GNL3L: variants seen among roughly 807,000 people sequenced by gnomAD.
GNL3L encodes G protein nucleolar 3 like, also known as guanine nucleotide-binding protein-like 3-like protein.
Under a neutral mutation model 42.9 loss-of-function variants are expected in GNL3L, and 4 were observed. The ratio of observed to expected loss-of-function variants is 0.09; its 90% confidence interval spans 0.05 to 0.21. GNL3L has a LOEUF of 0.21. GNL3L is among the 10% of genes least tolerant of loss of function. GNL3L has a pLI of 1.00. For missense variants in GNL3L, 412 were observed against 481.7 expected, an observed-to-expected ratio of 0.86 and a Z score of 1.36; for synonymous variants, 159 against 176.3, an observed-to-expected ratio of 0.90 and a Z score of 0.78.
chrX:54,530,837 G>T (rs1397431487), intron 1 of GNL3L, among the ~76,000 whole-genome samples: 1 of 111,495 alleles, frequency 9.0e-6, no homozygotes, highest in Non-Finnish European at 1.9e-5. Context: ...AGGCTTTGAT[G>T]TATCTGCCCC....
chrX:54,631,583 A>G, the GNL3L span, among the ~76,000 whole-genome samples: 1 of 110,336 alleles, frequency 9.1e-6, no homozygotes, highest in Non-Finnish European at 1.9e-5. Flanking sequence ...AAGAATAGCT[A>G]CTCCTGCTCG....
intron 2 of GNL3L, among the ~76,000 whole-genome samples, chrX:54,538,708 A>G (rs1486987610): frequency 9.0e-6 from 1 of 111,714 alleles, no homozygotes; most frequent in African/African-American, 3.3e-5. Flanking sequence ...CAGCTCCCTC[A>G]TCTCAGCCTG....
At chrX:54,604,375 A>G (rs959420755) in intron 16 of GNL3L, among the ~76,000 whole-genome samples, 2 of 111,949 alleles carry the variant, frequency 1.8e-5, no homozygotes, top group African/African-American at 6.5e-5. Context: ...CCAGAGGAAG[A>G]GCATAAGAGA....
At position 54,562,849 on chromosome X, in the gene GNL3L, G is replaced by T. The variant is rs1318637910; in HGVS notation, c.*2247G>T. Among the ~76,000 whole-genome samples, 1 of 108,361 alleles carries T rather than the reference G, an allele frequency of 9.2e-6. No individual in the cohort carries two copies. Among genetic ancestry groups the T allele is most frequent in the Non-Finnish European group, 1.9e-5 (1 of 52,387 alleles). The allele number at this position is 108,361 out of a possible 115,157, so 94.1% of individuals were successfully genotyped here. A position where few individuals can be genotyped will look rare whatever the true frequency, so the allele number is the denominator to read the frequency against. ...CAGACCCAAGTGGGCGTATTAAGTG[G>T]TGGTGCTAGGATTGGAACCCAAGCG... is the stretch of plus-strand genomic sequence containing the variant. On this transcript the variant is annotated 3_prime_UTR_variant, in exon 16 of 16. Coordinates refer to ENST00000360845, the MANE Select transcript of GNL3L (RefSeq NM_001184819.2).
At chrX:54,573,562 C>CA (rs1189728581) in intron 16 of GNL3L, among the ~76,000 whole-genome samples, 1 of 110,721 alleles carries the variant, frequency 9.0e-6, no homozygotes, top group African/African-American at 3.3e-5. Context: ...TTCTTTGAGA[C>CA]AGAGTCTCGG....
At chrX:54,608,405 A>G (rs1345773214) in intron 16 of GNL3L, among the ~76,000 whole-genome samples, 1 of 111,404 alleles carries the variant, frequency 9.0e-6, no homozygotes, top group Non-Finnish European at 1.9e-5. Flanking sequence ...ATTTGGTTAC[A>G]TGAGTAAGTT....
chrX:54,616,720 A>G (rs982151332), intron 16 of GNL3L, among the ~76,000 whole-genome samples: 2 of 111,440 alleles, frequency 1.8e-5, no homozygotes, highest in African/African-American at 6.5e-5. Context: ...GCTACTGCTG[A>G]CCCTGGCTCC....
At chrX:54,554,275 T>A (rs1434881554) in intron 13 of GNL3L, among the ~76,000 whole-genome samples, 1 of 111,202 alleles carries the variant, frequency 9.0e-6, no homozygotes, top group Non-Finnish European at 1.9e-5. Flanking sequence ...GCCAGAGCAT[T>A]ACAGACATCT....
At chrX:54,607,750 T>C (rs1471382528) in intron 16 of GNL3L, among the ~76,000 whole-genome samples, 1 of 112,225 alleles carries the variant, frequency 8.9e-6, no homozygotes, top group Non-Finnish European at 1.9e-5. Flanking sequence ...GGCTACCTTA[T>C]TGGATAGCAC....
At chrX:54,549,697 A>C (rs1472948985) in intron 9 of GNL3L, among the ~76,000 whole-genome samples, 1 of 112,395 alleles carries the variant, frequency 8.9e-6, no homozygotes, top group East Asian at 2.8e-4. Context: ...CAGCCTGGGC[A>C]ACAGAGCGAG....
the GNL3L span, among the ~76,000 whole-genome samples, chrX:54,629,994 G>A: frequency 9.0e-6 from 1 of 111,396 alleles, no homozygotes; most frequent in Non-Finnish European, 1.9e-5. Flanking sequence ...AGGGTTGTAT[G>A]TTTCCAGGTA....
chrX:54,638,328 G>T, the GNL3L span, among the ~76,000 whole-genome samples: 1 of 111,665 alleles, frequency 9.0e-6, no homozygotes, highest in Non-Finnish European at 1.9e-5. Flanking sequence ...TGTAGAAAAT[G>T]AGGTAAGAAA....
chrX:54,559,376 A>G (rs1925196380), intron 15 of GNL3L, among the ~76,000 whole-genome samples: 1 of 111,552 alleles, frequency 9.0e-6, no homozygotes, highest in African/African-American at 3.3e-5. Flanking sequence ...ATATACAGTA[A>G]AATCTCTCCC....
the GNL3L span, among the ~76,000 whole-genome samples, chrX:54,645,509 A>G: frequency 2.7e-5 from 3 of 112,066 alleles, no homozygotes; most frequent in Admixed American, 9.5e-5. Flanking sequence ...ATTTCCTAAT[A>G]TTGAATAACT....
At chrX:54,644,085 G>C in the GNL3L span, among the ~76,000 whole-genome samples, 1 of 112,046 alleles carries the variant, frequency 8.9e-6, no homozygotes, top group African/African-American at 3.2e-5. Flanking sequence ...TGGGAGTGCA[G>C]ATATCTCTCC....
chrX:54,573,147 G>A (rs1164673916), intron 16 of GNL3L, among the ~76,000 whole-genome samples: 264 of 81,168 alleles, frequency 3.3e-3, no homozygotes, highest in Middle Eastern at 5.3e-3. Flanking sequence ...ACGGGGTGGC[G>A]GCCGGGCAGA....
intron 16 of GNL3L, among the ~76,000 whole-genome samples, chrX:54,572,943 C>T (rs376180128): frequency 2.8e-5 from 3 of 105,450 alleles, no homozygotes; most frequent in Non-Finnish European, 3.9e-5. Flanking sequence ...ACATCCCAGA[C>T]GATGGGCGGC....
chrX:54,552,114 C>G (rs1244494891), intron 12 of GNL3L, 140 bp downstream of exon 12: 2 of 814,750 alleles, frequency 2.5e-6, no homozygotes, highest in Non-Finnish European at 3.5e-6. Context: ...CAGGTCATGT[C>G]CTGCTCGAGA....
At chrX:54,568,163 T>G (rs1449082578), downstream of GNL3L, among the ~76,000 whole-genome samples, 1 of 110,896 alleles carries the variant, frequency 9.0e-6, no homozygotes. Context: ...GAGATGGGGT[T>G]TCACCATATT....
Sources: gnomAD v4.1 joint callset for allele counts (sites outside exome capture counted in the v4.1 genomes callset) on GRCh38, gnomAD v4.1.1 for gene constraint, MANE v1.5 for transcripts, NCBI Gene and HGNC (gene_info 2026-07-23, HGNC 2026-07-21) for gene names.